MARCHF1: variants seen among roughly 807,000 people sequenced by gnomAD.
MARCHF1 encodes the protein membrane associated ring-CH-type finger 1.
Under a neutral mutation model 54.2 loss-of-function variants are expected in MARCHF1, and 40 were observed. That is an observed-to-expected ratio of 0.74 (90% CI 0.57 to 0.96). The LOEUF is 0.96. Ranked by LOEUF, MARCHF1 falls within the 40% of genes least tolerant of loss-of-function variation. The pLI is 0.00. For synonymous variants in MARCHF1, 236 were observed against 236.3 expected (o/e 1.00, Z 0.01); for missense variants, 586 against 656.5 (o/e 0.89, Z 1.17).
intron 4 of MARCHF1, among the ~76,000 whole-genome samples, chr4:163,850,296 G>T (rs1366216868): frequency 6.6e-6 from 1 of 152,208 alleles, no homozygotes; most frequent in Admixed American, 6.5e-5. Flanking sequence ...TATCTGGGGA[G>T]ATGTACTCCT....
chr4:164,110,109 A>G lies in MARCHF1; in HGVS notation c.-248+1479T>C, dbSNP rs575859318. Among the ~76,000 whole-genome samples the G allele has an allele frequency of 3.8e-5, 4 of 104,264 alleles. No homozygotes were observed. The South Asian group carries it at 1.0e-3, about 27-fold the overall frequency. The allele number at this position is 104,264 out of a possible 152,430, so 68.4% of individuals were successfully genotyped here. On this transcript the variant is annotated intron_variant, in intron 2 of 9. Coordinates refer to ENST00000514618, the MANE Select transcript of MARCHF1 (RefSeq NM_001394959.1). ...GTTATTTGAAAATTTTAAAAAACCC[A>G]TTGGAATTGGAGATACACACACACA... is the stretch of plus-strand genomic sequence containing the variant.
chr4:163,781,171 T>A (rs11730186), intron 4 of MARCHF1, among the ~76,000 whole-genome samples: 40,725 of 152,002 alleles, frequency 0.27, 6,881 homozygotes, highest in Non-Finnish European at 0.38. Flanking sequence ...GCCAACACGA[T>A]GAAACCCCGT....
intron 1 of MARCHF1, among the ~76,000 whole-genome samples, chr4:164,198,883 T>C (rs1021787455): frequency 1.3e-5 from 2 of 152,198 alleles, no homozygotes; most frequent in African/African-American, 4.8e-5. Context: ...ACTCTTACTA[T>C]AAGAATATGA....
At chr4:163,756,793 G>A (rs1746688282) in intron 4 of MARCHF1, among the ~76,000 whole-genome samples, 1 of 151,920 alleles carries the variant, frequency 6.6e-6, no homozygotes, top group South Asian at 2.1e-4. Flanking sequence ...TAAGCATCCT[G>A]TTTATATTCA....
chr4:163,877,879 C>G (rs548222000), intron 3 of MARCHF1, among the ~76,000 whole-genome samples: 1 of 152,166 alleles, frequency 6.6e-6, no homozygotes, highest in South Asian at 2.1e-4. Context: ...CTTGGTTACA[C>G]TCAGAATGAA....
chr4:163,760,939 T>C (rs1199538455), intron 4 of MARCHF1, among the ~76,000 whole-genome samples: 3 of 152,160 alleles, frequency 2.0e-5, no homozygotes, highest in African/African-American at 7.2e-5. Context: ...TTGTTGAGAT[T>C]GTAACATCAC....
At chr4:163,990,842 T>C (rs1288728321) in intron 2 of MARCHF1, among the ~76,000 whole-genome samples, 1 of 152,170 alleles carries the variant, frequency 6.6e-6, no homozygotes, top group Non-Finnish European at 1.5e-5. Flanking sequence ...AGTGTTTAGG[T>C]CCATGAAATG....
chr4:163,680,761 A>G (rs1351994049), intron 5 of MARCHF1, among the ~76,000 whole-genome samples: 1 of 152,084 alleles, frequency 6.6e-6, no homozygotes, highest in Non-Finnish European at 1.5e-5. Context: ...CTGTATCTTC[A>G]TTTTTAATCC....
At chr4:164,378,315 T>G (rs1010999734) in intron 1 of MARCHF1, among the ~76,000 whole-genome samples, 1 of 152,174 alleles carries the variant, frequency 6.6e-6, no homozygotes, top group South Asian at 2.1e-4. Flanking sequence ...AAATTAGCTA[T>G]GAGGGGCCAA....
intron 3 of MARCHF1, among the ~76,000 whole-genome samples, chr4:163,965,893 T>C (rs753820978): frequency 4.6e-5 from 7 of 152,102 alleles, no homozygotes; most frequent in Non-Finnish European, 8.8e-5. Context: ...AGGTGCATTA[T>C]CTCTATGAAG....
intron 4 of MARCHF1, among the ~76,000 whole-genome samples, chr4:163,782,332 A>G (rs1240742289): frequency 1.3e-5 from 2 of 152,170 alleles, no homozygotes; most frequent in Non-Finnish European, 2.9e-5. Context: ...TTATCCAGCA[A>G]TATGGCAATA....
intron 5 of MARCHF1, among the ~76,000 whole-genome samples, chr4:163,669,014 C>T (rs537262062): frequency 9.2e-5 from 14 of 152,294 alleles, no homozygotes; most frequent in African/African-American, 3.4e-4. Flanking sequence ...TGGAGAATTA[C>T]AGCTGCTTTT....
At chr4:163,874,153 G>A (rs953966058) in intron 3 of MARCHF1, among the ~76,000 whole-genome samples, 2 of 152,104 alleles carry the variant, frequency 1.3e-5, no homozygotes, top group African/African-American at 4.8e-5. Context: ...GTTACCAACC[G>A]GGATGATATC....
At chr4:163,840,505 G>C (rs11725234) in intron 4 of MARCHF1, among the ~76,000 whole-genome samples, 1 of 152,058 alleles carries the variant, frequency 6.6e-6, no homozygotes, top group Admixed American at 6.6e-5. Context: ...AGTGAGCATA[G>C]TACCCAATAG....
chr4:164,323,448 G>A (rs1222940867), intron 1 of MARCHF1, among the ~76,000 whole-genome samples: 1 of 151,106 alleles, frequency 6.6e-6, no homozygotes, highest in African/African-American at 2.4e-5. Context: ...AAACAGAAAT[G>A]TTAATTACAC....
chr4:163,716,024 C>G (rs914145374), intron 4 of MARCHF1, among the ~76,000 whole-genome samples: 1 of 152,100 alleles, frequency 6.6e-6, no homozygotes. Context: ...GTGCTGTCAT[C>G]AAAATACGGG....
rs3059788 is a variant in MARCHF1 at position 164,176,970 on chromosome 4, C to CCATATATATATATA, written c.-322-65309_-322-65308insTATATATATATATG. On this transcript the variant is annotated intron_variant, in intron 1 of 9. Coordinates refer to ENST00000514618, the MANE Select transcript of MARCHF1 (RefSeq NM_001394959.1). ...TCTCTCTCTCTCTCTCTCTCTCTCT[C>CCATATATATATATA]TCTCTCTCTCTATATATATATATAT... Among the ~76,000 whole-genome samples the CCATATATATATATA allele has an allele frequency of 3.1e-4, 18 of 57,414 alleles. 2 individuals carry two copies. Among genetic ancestry groups the CCATATATATATATA allele is most frequent in the African/African-American group, 6.4e-4 (8 of 12,544 alleles). The allele number at this position is 57,414 out of a possible 152,430, so 37.7% of individuals were successfully genotyped here.
intron 4 of MARCHF1, among the ~76,000 whole-genome samples, chr4:163,816,381 GTT>G (rs11353332): frequency 8.7e-5 from 13 of 149,656 alleles, no homozygotes; most frequent in South Asian, 2.1e-4. Context: ...ACCTTCTGGT[GTT>G]TTTTTTTTTA....
chr4:163,764,333 T>C (rs1166504891), intron 4 of MARCHF1, among the ~76,000 whole-genome samples: 1 of 152,066 alleles, frequency 6.6e-6, no homozygotes, highest in East Asian at 1.9e-4. Context: ...TGAAAAAGAC[T>C]ATGTAAGGGT....
Sources: gnomAD v4.1 joint callset for allele counts (sites outside exome capture counted in the v4.1 genomes callset) on GRCh38, gnomAD v4.1.1 for gene constraint, MANE v1.5 for transcripts, NCBI Gene and HGNC (gene_info 2026-07-23, HGNC 2026-07-21) for gene names.